RFX3: variants seen among roughly 807,000 people sequenced by gnomAD.
RFX3 encodes the protein transcription factor RFX3.
In RFX3, 14 loss-of-function variants were observed where a neutral mutation model predicts 98.6. The ratio of observed to expected loss-of-function variants is 0.14; its 90% confidence interval spans 0.09 to 0.22. RFX3 has a LOEUF of 0.22. Ranked by LOEUF, RFX3 falls within the 10% of genes least tolerant of loss-of-function variation. RFX3 has a pLI of 1.00. For synonymous variants in RFX3, 383 were observed against 328.4 expected, an observed-to-expected ratio of 1.17 and a Z score of -1.80; for missense variants, 639 against 926.9, an observed-to-expected ratio of 0.69 and a Z score of 4.03.
chr9:3,458,785 A>G (rs1275014144), intron 1 of RFX3, among the ~76,000 whole-genome samples: 1 of 152,176 alleles, frequency 6.6e-6, no homozygotes, highest in Non-Finnish European at 1.5e-5. Flanking sequence ...CTGTAAGAAA[A>G]GGCTAAGTAT....
intron 7 of RFX3, 115 bp from the exon 8 acceptor site, chr9:3,277,576 A>G: frequency 1.2e-6 from 1 of 851,968 alleles, no homozygotes. Context: ...GTCTCATGAT[A>G]GTTGTAGGAT....
chr9:3,232,509 A>G (rs561785327), intron 15 of RFX3, among the ~76,000 whole-genome samples: 2 of 152,194 alleles, frequency 1.3e-5, no homozygotes, highest in Non-Finnish European at 2.9e-5. Context: ...TGCCATGGGT[A>G]AGAAAGTTCA....
chr9:3,497,722 GC>G (rs1851214029), intron 1 of RFX3, among the ~76,000 whole-genome samples: 1 of 151,402 alleles, frequency 6.6e-6, no homozygotes, highest in East Asian at 1.9e-4. Flanking sequence ...CAAAAAAATT[GC>G]TTACACTATA....
chr9:3,386,009 A>C (rs534554961), intron 2 of RFX3, among the ~76,000 whole-genome samples: 1 of 152,280 alleles, frequency 6.6e-6, no homozygotes, highest in South Asian at 2.1e-4. Flanking sequence ...TGCCTATTCA[A>C]AGTGAAAGAC....
chr9:3,284,381 C>G (rs946826597), intron 7 of RFX3, among the ~76,000 whole-genome samples: 1 of 151,620 alleles, frequency 6.6e-6, no homozygotes, highest in Non-Finnish European at 1.5e-5. Flanking sequence ...TTAGGGTAAA[C>G]AAATTAGTCT....
At chr9:3,323,906 G>A (rs573017686) in intron 4 of RFX3, 1 of 296,440 alleles carries the variant, frequency 3.4e-6, no homozygotes, top group Non-Finnish European at 8.0e-6. Context: ...GGCTGGAGCA[G>A]TGTGGAACTG....
chr9:3,290,835 G>A (rs936729937), intron 6 of RFX3, among the ~76,000 whole-genome samples: 1 of 152,102 alleles, frequency 6.6e-6, no homozygotes, highest in Non-Finnish European at 1.5e-5. Flanking sequence ...AAGGGGTTTA[G>A]GACATGCTAT....
chr9:3,462,604 T>A (rs1847797862), intron 1 of RFX3, among the ~76,000 whole-genome samples: 1 of 152,072 alleles, frequency 6.6e-6, no homozygotes, highest in Non-Finnish European at 1.5e-5. Context: ...AAACTGCCTT[T>A]ATTTGCAAAC....
intron 2 of RFX3, among the ~76,000 whole-genome samples, chr9:3,352,961 T>C (rs1835324474): frequency 6.6e-6 from 1 of 151,832 alleles, no homozygotes; most frequent in South Asian, 2.1e-4. Flanking sequence ...TGTCCAACAA[T>C]GATAGACTGG....
chr9:3,280,103 T>A (rs751551312), intron 7 of RFX3, among the ~76,000 whole-genome samples: 3 of 151,798 alleles, frequency 2.0e-5, no homozygotes, highest in Non-Finnish European at 2.9e-5. Flanking sequence ...CGGTGAATAG[T>A]GGATTGAAAG....
At chr9:3,459,912 T>C (rs1311438281) in intron 1 of RFX3, among the ~76,000 whole-genome samples, 1 of 152,072 alleles carries the variant, frequency 6.6e-6, no homozygotes, top group Admixed American at 6.6e-5. Flanking sequence ...ATGTTATCCA[T>C]GGATGGTGAG....
chr9:3,247,383 TG>T, intron 15 of RFX3: 1 of 951,200 alleles, frequency 1.1e-6, no homozygotes, highest in Non-Finnish European at 1.3e-6. Context: ...AGACTGTGTT[TG>T]AAAAAAAAAT....
intron 6 of RFX3, among the ~76,000 whole-genome samples, chr9:3,290,038 A>G (rs1049784471): frequency 6.6e-6 from 1 of 152,124 alleles, no homozygotes; most frequent in Non-Finnish European, 1.5e-5. Context: ...TTTCTATGGT[A>G]GAAAGAATGT....
At chr9:3,428,054 T>G (rs1347990153) in intron 1 of RFX3, among the ~76,000 whole-genome samples, 1 of 152,144 alleles carries the variant, frequency 6.6e-6, no homozygotes, top group African/African-American at 2.4e-5. Flanking sequence ...TTTATGTATC[T>G]GCCTTCTCTC....
At chr9:3,520,709 T>G (rs1029688252) in intron 1 of RFX3, among the ~76,000 whole-genome samples, 8 of 152,196 alleles carry the variant, frequency 5.3e-5, no homozygotes, top group African/African-American at 1.9e-4. Flanking sequence ...AGGGTCTTGC[T>G]CTGTCACCCA....
chr9:3,280,583 A>T (rs1825803999), intron 7 of RFX3, among the ~76,000 whole-genome samples: 1 of 151,816 alleles, frequency 6.6e-6, no homozygotes, highest in Non-Finnish European at 1.5e-5. Context: ...AGTCAAGAAC[A>T]ATCACATTAA....
At chr9:3,432,251 C>T (rs368322656) in intron 1 of RFX3, among the ~76,000 whole-genome samples, 125 of 152,170 alleles carry the variant, frequency 8.2e-4, no homozygotes, top group African/African-American at 2.6e-3. Context: ...GAGTTCAGTA[C>T]CAAAGGCATC....
intron 15 of RFX3, among the ~76,000 whole-genome samples, 156 bp from the exon 16 acceptor site, chr9:3,229,045 T>C (rs752153051): frequency 6.6e-6 from 1 of 152,224 alleles, no homozygotes; most frequent in African/African-American, 2.4e-5. Flanking sequence ...AATTTTCCAA[T>C]CAAACTTGTC....
intron 2 of RFX3, among the ~76,000 whole-genome samples, chr9:3,381,810 T>C (rs890343360): frequency 3.9e-5 from 6 of 152,156 alleles, no homozygotes; most frequent in Non-Finnish European, 7.4e-5. Context: ...AAAAGAATCA[T>C]GAAAAATCAT....
Sources: gnomAD v4.1 joint callset for allele counts (sites outside exome capture counted in the v4.1 genomes callset) on GRCh38, gnomAD v4.1.1 for gene constraint, MANE v1.5 for transcripts, NCBI Gene and HGNC (gene_info 2026-07-23, HGNC 2026-07-21) for gene names.